Variants in KIRREL3 observed in about 807,000 individuals in gnomAD.
KIRREL3 encodes the protein kin of IRRE-like protein 3.
Under a neutral mutation model 89.7 loss-of-function variants are expected in KIRREL3, and 36 were observed. The ratio of observed to expected loss-of-function variants is 0.40; its 90% CI spans 0.31 to 0.53. The LOEUF is 0.53. KIRREL3 is among the 20% of genes least tolerant of loss of function. KIRREL3 has a pLI of 0.49. For synonymous variants in KIRREL3, 445 were observed against 441.4 expected (o/e 1.01, Z -0.10); for missense variants, 864 against 1,056.6 (o/e 0.82, Z 2.53).
At chr11:126,469,920 G>A (rs1956838667) in intron 5 of KIRREL3, among the ~76,000 whole-genome samples, 1 of 152,244 alleles carries the variant, frequency 6.6e-6, no homozygotes, top group Non-Finnish European at 1.5e-5. Context: ...TTTTGCAGAC[G>A]AGGAAACAGA....
intron 2 of KIRREL3, among the ~76,000 whole-genome samples, chr11:126,533,623 A>G (rs929385088): frequency 8.6e-5 from 13 of 151,738 alleles, no homozygotes; most frequent in African/African-American, 3.1e-4. Context: ...CACATCACTC[A>G]CTCCAAAGAA....
At chr11:126,716,377 C>A (rs1169787939) in intron 1 of KIRREL3, among the ~76,000 whole-genome samples, 1 of 152,096 alleles carries the variant, frequency 6.6e-6, no homozygotes, top group East Asian at 1.9e-4. Context: ...GTGTTATCTC[C>A]CTCATTTTTA....
rs1420925003 is a variant in KIRREL3 at position 126,872,593 on chromosome 11, C to T, written c.55+127862G>A. 2.6e-5 allele frequency among the ~76,000 whole-genome samples: 4 copies of T among 152,316 alleles called. No individual in the cohort carries two copies. The East Asian group carries it at 7.7e-4, about 29-fold the overall frequency. On this transcript the variant is annotated intron_variant, in intron 1 of 16. Coordinates refer to ENST00000525144, the MANE Select transcript of KIRREL3 (RefSeq NM_032531.4). This position sits in a 1 kb window ranked among gnomAD's most constrained non-coding sequence, Gnocchi z 4.2. ...ACCTGCATCATTTACATCAAACAGC[C>T]CCTCTAAGGGACCTTAGGCCTTGTT...
chr11:126,794,835 G>A (rs1384407772), intron 1 of KIRREL3, among the ~76,000 whole-genome samples: 3 of 152,178 alleles, frequency 2.0e-5, no homozygotes, highest in African/African-American at 7.2e-5. Flanking sequence ...TGCCAAAAAT[G>A]AAAGCAACCT....
chr11:126,776,793 C>A lies in KIRREL3; in HGVS notation c.56-213881G>T, dbSNP rs1000330722. Among the ~76,000 whole-genome samples the A allele has an allele frequency of 6.6e-6, 1 of 152,180 alleles. No homozygotes were observed. The highest frequency in any genetic ancestry group is 1.5e-5 in the Non-Finnish European group (1 of 68,038). On this transcript the variant is annotated intron_variant, in intron 1 of 16. Transcript: ENST00000525144. The surrounding 1 kb of genome is among the most constrained non-coding windows in gnomAD (Gnocchi z 4.7). ...GCTGCTCTTTCCCATGGGAAGGGAG[C>A]ATTTTCAGAGGAGCCCTGAGAGATG...
At chr11:126,801,911 G>C (rs1951047808) in intron 1 of KIRREL3, among the ~76,000 whole-genome samples, 1 of 151,782 alleles carries the variant, frequency 6.6e-6, no homozygotes, top group Non-Finnish European at 1.5e-5. Context: ...CTCCAACCGG[G>C]CTACAGAGTG....
In KIRREL3 at chr11:126,890,528, G is replaced by A. The variant is rs1458741178; in HGVS notation, c.55+109927C>T. Among the ~76,000 whole-genome samples, 1 of 152,190 alleles carries A rather than the reference G, an allele frequency of 6.6e-6. No homozygotes were observed. Among genetic ancestry groups the A allele is most frequent in the Non-Finnish European group, 1.5e-5 (1 of 68,042 alleles). ...CTCATCAAGCACTTTGCCATTTAAT[G>A]GTGACCAAATCCCTCCAGTTTTCTG... is the stretch of plus-strand genomic sequence containing the variant. On this transcript the variant is annotated intron_variant, in intron 1 of 16. Transcript: ENST00000525144. The surrounding 1 kb of genome is among the most constrained non-coding windows in gnomAD (Gnocchi z 5.1).
intron 1 of KIRREL3, among the ~76,000 whole-genome samples, chr11:126,714,544 T>C (rs1947883790): frequency 6.6e-6 from 1 of 151,930 alleles, no homozygotes; most frequent in Non-Finnish European, 1.5e-5. Flanking sequence ...TGCTGGAGAG[T>C]TTCCGCCCTG....
At position 126,463,880 on chromosome 11, in the gene KIRREL3, G is replaced by A. The variant is rs1453068615; in HGVS notation, c.592-573C>T. On this transcript the variant is annotated intron_variant, in intron 5 of 16. Coordinates refer to ENST00000525144, the MANE Select transcript of KIRREL3 (RefSeq NM_032531.4). The surrounding 1 kb of genome is among the most constrained non-coding windows in gnomAD (Gnocchi z 5.9). The stretch of plus-strand genomic sequence containing the variant: ...AACTTTCCAAAGCGTTTCACTCCCT[G>A]ATCTCATTAGAGTCTCAATCAAACC... Among the ~76,000 whole-genome samples, 2 of 152,158 alleles carry A rather than the reference G, an allele frequency of 1.3e-5. No individual in the cohort carries two copies. The highest frequency in any genetic ancestry group is 1.3e-4 in the Admixed American group (2 of 15,274).
At chr11:126,545,384 C>G (rs930699870) in intron 2 of KIRREL3, among the ~76,000 whole-genome samples, 3 of 152,056 alleles carry the variant, frequency 2.0e-5, no homozygotes, top group African/African-American at 7.2e-5. Flanking sequence ...CCTGCACTGC[C>G]CCATCTGTCC....
Position 126,687,605 on chromosome 11 carries a change from C to T in KIRREL3, c.56-124693G>A, listed in dbSNP as rs1337759075. ...TTCTTCTGCTACCATCTCTTGCATGCTCAGTTCATTGATTGATAGAGTAAA... is the reference window on the plus strand; with the variant it reads ...TTCTTCTGCTACCATCTCTTGCATGTTCAGTTCATTGATTGATAGAGTAAA... On this transcript the variant is annotated intron_variant, in intron 1 of 16. Transcript: ENST00000525144. This position sits in a 1 kb window ranked among gnomAD's most constrained non-coding sequence, Gnocchi z 4.6. Among the ~76,000 whole-genome samples the T allele has an allele frequency of 6.6e-6, 1 of 152,202 alleles. No individual in the cohort carries two copies. Among genetic ancestry groups the T allele is most frequent in the Non-Finnish European group, 1.5e-5 (1 of 68,040 alleles).
chr11:126,915,689 CA>C (rs1206413307), intron 1 of KIRREL3, among the ~76,000 whole-genome samples: 1 of 152,222 alleles, frequency 6.6e-6, no homozygotes, highest in Non-Finnish European at 1.5e-5. Context: ...GGCCAAGGCT[CA>C]GCTTTGTATT....
intron 12 of KIRREL3, 103 bp from the exon 13 acceptor site, chr11:126,435,406 T>C: frequency 1.7e-6 from 2 of 1,145,612 alleles, no homozygotes; most frequent in Non-Finnish European, 2.6e-6. Flanking sequence ...AGGGGCTCCT[T>C]TCCCAGTCAT....
At chr11:126,602,222 C>T (rs922783488) in intron 1 of KIRREL3, among the ~76,000 whole-genome samples, 7 of 152,308 alleles carry the variant, frequency 4.6e-5, no homozygotes, top group Admixed American at 6.5e-5. Flanking sequence ...TCATTGTGTG[C>T]TCACTGTCAG....
chr11:126,892,604 G>A lies in KIRREL3; in HGVS notation c.55+107851C>T, dbSNP rs1053385014. Among the ~76,000 whole-genome samples, 2 of 152,226 alleles carry A rather than the reference G, an allele frequency of 1.3e-5. No homozygotes were observed. The highest frequency in any genetic ancestry group is 6.5e-5 in the Admixed American group (1 of 15,282). ...TGGCTCTGTGCACGTGTGTGTGCAT[G>A]TGCACGTGTGTATGTATTATGTGTG... is the stretch of plus-strand genomic sequence containing the variant. On this transcript the variant is annotated intron_variant, in intron 1 of 16. Coordinates refer to ENST00000525144, the MANE Select transcript of KIRREL3 (RefSeq NM_032531.4). This position sits in a 1 kb window ranked among gnomAD's most constrained non-coding sequence, Gnocchi z 5.4.
rs1941602797 is a variant in KIRREL3, at chr11:126,582,476, A to G, written c.56-19564T>C. Among the ~76,000 whole-genome samples the G allele has an allele frequency of 3.9e-5, 6 of 152,358 alleles. No homozygotes were observed. The South Asian group carries it at 1.2e-3, about 32-fold the overall frequency. ...GGGTTTAGTGGAAATCCTCTGCTAT[A>G]GCGGAAGAAAATGAAACCCAGTGAA... On this transcript the variant is annotated intron_variant, in intron 1 of 16. Coordinates refer to ENST00000525144, the MANE Select transcript of KIRREL3 (RefSeq NM_032531.4).
At position 126,871,624 on chromosome 11, in the gene KIRREL3, G is replaced by A. The variant is rs182856911; in HGVS notation, c.55+128831C>T. On this transcript the variant is annotated intron_variant, in intron 1 of 16. Transcript: ENST00000525144. ...ATGAGAAAACCTGGATTATTGAGGG[G>A]CAAAGGGGCTTTTTGGTCATTTGCA... is the stretch of plus-strand genomic sequence containing the variant. Among the ~76,000 whole-genome samples, 550 of 152,306 alleles carry A rather than the reference G, an allele frequency of 3.6e-3. 1 individual carries two copies. Among genetic ancestry groups the A allele is most frequent in the Non-Finnish European group, 6.3e-3 (431 of 68,026 alleles).
rs369050117 is a variant in KIRREL3, at chr11:126,565,565, G to A, written c.56-2653C>T. 1.8e-4 allele frequency among the ~76,000 whole-genome samples: 27 copies of A among 152,212 alleles called. No individual in the cohort carries two copies. The highest frequency in any genetic ancestry group is 6.0e-4 in the African/African-American group (25 of 41,456). ...AATTTATTAAGTGCGAGGGCTCTCT[G>A]ACTGAGACTTTGTAGAGAAGTGGGG... On this transcript the variant is annotated intron_variant, in intron 1 of 16. Transcript: ENST00000525144. This position sits in a 1 kb window ranked among gnomAD's most constrained non-coding sequence, Gnocchi z 5.4.
intron 1 of KIRREL3, among the ~76,000 whole-genome samples, chr11:126,746,733 C>G (rs1256081461): frequency 6.6e-6 from 1 of 152,202 alleles, no homozygotes; most frequent in African/African-American, 2.4e-5. Flanking sequence ...GAGGTCTGCT[C>G]AAGTTCAGGC....
Sources: gnomAD v4.1 joint callset for allele counts (sites outside exome capture counted in the v4.1 genomes callset) on GRCh38, gnomAD v4.1.1 for gene constraint, Gnocchi (gnomAD v3.1) non-coding constraint, MANE v1.5 for transcripts, NCBI Gene and HGNC (gene_info 2026-07-23, HGNC 2026-07-21) for gene names.